The following SIPA1L2 variants were observed in gnomAD, a reference collection of about 807,000 sequenced individuals.
The protein encoded by SIPA1L2 is signal induced proliferation associated 1 like 2.
In SIPA1L2, 56 loss-of-function variants were observed where a neutral mutation model predicts 163.9. The ratio of observed to expected loss-of-function variants is 0.34; its 90% CI spans 0.28 to 0.43. The LOEUF (loss-of-function observed/expected upper bound fraction) is 0.43, where lower values mean the gene tolerates loss of function less well. Ranked by LOEUF, SIPA1L2 falls within the 20% of genes least tolerant of loss-of-function variation. The probability of loss-of-function intolerance (pLI) is 1.00; values close to 1 mark genes in which losing one functional copy is unlikely to be tolerated. For missense variants in SIPA1L2, 1,974 were observed against 2,193.5 expected (o/e 0.90, Z 2.00); for synonymous variants, 877 against 865.7 (o/e 1.01, Z -0.23).
intron 7 of SIPA1L2, among the ~76,000 whole-genome samples, chr1:232,476,833 AT>A (rs1665071220): frequency 1.3e-5 from 2 of 152,188 alleles, no homozygotes; most frequent in Admixed American, 1.3e-4. Context: ...AAGAAATTAG[AT>A]CTGATGTGGA....
intron 19 of SIPA1L2, among the ~76,000 whole-genome samples, chr1:232,407,148 T>C (rs908594918): frequency 4.8e-4 from 73 of 152,268 alleles, no homozygotes; most frequent in African/African-American, 1.6e-3. Context: ...TTATTCTTTA[T>C]TTAAGAAACA....
intron 2 of SIPA1L2, among the ~76,000 whole-genome samples, chr1:232,560,756 A>G (rs905328016): frequency 2.0e-5 from 3 of 152,244 alleles, no homozygotes; most frequent in Non-Finnish European, 2.9e-5. Context: ...CTAAGTGCAT[A>G]TAATTTCTCA....
chr1:232,624,849 C>T (rs1486934339), intron 1 of SIPA1L2, among the ~76,000 whole-genome samples: 2 of 152,150 alleles, frequency 1.3e-5, no homozygotes, highest in Non-Finnish European at 2.9e-5. Flanking sequence ...TGTTCTTCCC[C>T]ACTATCTGAA....
At position 232,445,500 on chromosome 1, in the gene SIPA1L2, C is replaced by T. The variant is rs760527992; in HGVS notation, c.3353+29G>A. 3.7e-6 allele frequency: 6 copies of T among 1,612,282 alleles called. No individual in the cohort carries two copies. The African/African-American group carries it at 4.0e-5, about 11-fold the overall frequency. On this transcript the variant is annotated intron_variant, in intron 11 of 22. Transcript: ENST00000674635. ...TCTCACCCCAGTGATTTACAAGGGC[C>T]CCCCTTGAGGAAACGGAACCAGCAT...
chr1:232,620,033 C>T (rs12728550), intron 1 of SIPA1L2, among the ~76,000 whole-genome samples: 77,415 of 151,860 alleles, frequency 0.51, 20,022 homozygotes, highest in African/African-American at 0.59. Flanking sequence ...TACAGGCACG[C>T]GCTGCCAAGC....
intron 10 of SIPA1L2, among the ~76,000 whole-genome samples, chr1:232,455,463 C>A (rs1402913003): frequency 6.6e-6 from 1 of 152,058 alleles, no homozygotes; most frequent in African/African-American, 2.4e-5. Context: ...GGGAGGATCA[C>A]GAGGTCAGGA....
At chr1:232,463,799 T>C (rs536814134) in intron 9 of SIPA1L2, among the ~76,000 whole-genome samples, 1 of 152,342 alleles carries the variant, frequency 6.6e-6, no homozygotes, top group African/African-American at 2.4e-5. Flanking sequence ...CAAACTCTTA[T>C]CTAGGCTTGC....
At chr1:232,475,244 C>A (rs80197709) in intron 7 of SIPA1L2, among the ~76,000 whole-genome samples, 2 of 152,154 alleles carry the variant, frequency 1.3e-5, no homozygotes, top group African/African-American at 2.4e-5. Flanking sequence ...ATATAGACAG[C>A]GTCTTGTCCC....
rs1664211753 is a variant in SIPA1L2, at chr1:232,461,105, G to C, written c.2877C>G (p.Gly959=). Residue 959 remains glycine, a synonymous_variant, in exon 10 of 23, where the codon GGC becomes GGG. Transcript: ENST00000674635. ...VEMTLRRNGL[G]QLGFHVNFEG... is the part of the protein sequence containing the mutation. ...CAAAATTCACATGGAAGCCAAGCTG[G>C]CCCAGCCCGTTCCTCCTCAGGGTCA... The C allele has an allele frequency of 6.2e-7, 1 of 1,614,266 alleles. No individual in the cohort carries two copies. The highest frequency in any genetic ancestry group is 1.3e-5 in the African/African-American group (1 of 75,072).
chr1:232,624,384 CT>C (rs1301514398), intron 1 of SIPA1L2, among the ~76,000 whole-genome samples: 4 of 152,246 alleles, frequency 2.6e-5, no homozygotes, highest in Non-Finnish European at 5.9e-5. Flanking sequence ...TGAATACCCA[CT>C]GTTCAACAAG....
chr1:232,478,222 AATACAGAG>A (rs1452953322), intron 7 of SIPA1L2, among the ~76,000 whole-genome samples: 6 of 152,248 alleles, frequency 3.9e-5, no homozygotes, highest in Non-Finnish European at 7.3e-5. Context: ...ACAGATGTGT[AATACAGAG>A]ATAGATTTTT....
chr1:232,481,256 G>C (rs1665339431), intron 6 of SIPA1L2, among the ~76,000 whole-genome samples: 1 of 152,188 alleles, frequency 6.6e-6, no homozygotes, highest in Admixed American at 6.5e-5. Flanking sequence ...AGCAAGCACA[G>C]TTTACAGTCT....
chr1:232,402,351 A>G (rs377629936), intron 22 of SIPA1L2, 41 bp downstream of exon 22: 2 of 1,578,536 alleles, frequency 1.3e-6, no homozygotes, highest in Admixed American at 1.7e-5. Flanking sequence ...GGCTGATTTT[A>G]TAAGAGAAAC....
intron 17 of SIPA1L2, among the ~76,000 whole-genome samples, chr1:232,427,730 T>C (rs1364702925): frequency 6.6e-6 from 1 of 152,218 alleles, no homozygotes; most frequent in Non-Finnish European, 1.5e-5. Flanking sequence ...AGTACTACAT[T>C]GTGAATGACA....
intron 21 of SIPA1L2, 44 bp from the exon 22 acceptor site, chr1:232,402,517 C>A (rs774657790): frequency 1.9e-6 from 3 of 1,564,038 alleles, no homozygotes; most frequent in East Asian, 4.5e-5. Flanking sequence ...GAGAGTCAAT[C>A]GAGCATTTTT....
At chr1:232,496,560 CAA>C (rs71162247) in intron 3 of SIPA1L2, among the ~76,000 whole-genome samples, 56 of 105,206 alleles carry the variant, frequency 5.3e-4, no homozygotes, top group Non-Finnish European at 4.5e-4. Context: ...CAGAAGCAGG[CAA>C]AAAAAAAAAA....
chr1:232,501,458 ATCT>A (rs1666478660), intron 3 of SIPA1L2, among the ~76,000 whole-genome samples: 2 of 152,218 alleles, frequency 1.3e-5, no homozygotes, highest in South Asian at 2.1e-4. Context: ...AGACAGGTGC[ATCT>A]TCTTCTTGGG....
At chr1:232,524,261 A>G (rs1261494409) in intron 2 of SIPA1L2, among the ~76,000 whole-genome samples, 3 of 152,218 alleles carry the variant, frequency 2.0e-5, no homozygotes, top group East Asian at 1.9e-4. Flanking sequence ...AGACATGCAC[A>G]TGAATAATGA....
At chr1:232,554,495 A>G (rs1302770826) in intron 2 of SIPA1L2, among the ~76,000 whole-genome samples, 1 of 152,252 alleles carries the variant, frequency 6.6e-6, no homozygotes, top group African/African-American at 2.4e-5. Context: ...GTCTTTCCAC[A>G]ATGCTACCCT....
Sources: gnomAD v4.1 joint callset for allele counts (sites outside exome capture counted in the v4.1 genomes callset) on GRCh38, gnomAD v4.1.1 for gene constraint, MANE v1.5 for transcripts, NCBI Gene and HGNC (gene_info 2026-07-23, HGNC 2026-07-21) for gene names.